Variants in ARK2C observed in about 807,000 individuals in gnomAD.
ARK2C encodes the protein E3 ubiquitin-protein ligase ARK2C.
the ARK2C span, among the ~76,000 whole-genome samples, chr18:46,412,876 GC>G: frequency 4.6e-5 from 7 of 152,130 alleles, no homozygotes; most frequent in Non-Finnish European, 1.0e-4. Flanking sequence ...CCAAAGGGGA[GC>G]CCTTTGGTCA....
the ARK2C span, chr18:46,386,545 T>C: frequency 1.5e-5 from 2 of 134,616 alleles, no homozygotes; most frequent in Non-Finnish European, 3.1e-5. Context: ...TGACCCCCCA[T>C]CAATCCATCC....
the ARK2C span, among the ~76,000 whole-genome samples, chr18:46,427,702 G>A: frequency 2.0e-5 from 3 of 152,252 alleles, no homozygotes; most frequent in African/African-American, 7.2e-5. Flanking sequence ...AGACAAGCAG[G>A]TATTTACTGG....
chr18:46,427,325 C>A, the ARK2C span, among the ~76,000 whole-genome samples: 53 of 152,350 alleles, frequency 3.5e-4, no homozygotes, highest in Admixed American at 1.2e-3. Flanking sequence ...CTGGAGGGCA[C>A]AGGTTGTAGG....
chr18:46,342,342 G>T, the ARK2C span, among the ~76,000 whole-genome samples: 1 of 152,084 alleles, frequency 6.6e-6, no homozygotes, highest in Non-Finnish European at 1.5e-5. Context: ...CTGCTTTCCC[G>T]CCATAGCTGG....
chr18:46,416,887 A>G, the ARK2C span, among the ~76,000 whole-genome samples: 2 of 152,278 alleles, frequency 1.3e-5, no homozygotes, highest in Non-Finnish European at 2.9e-5. Context: ...GCTACCTTCT[A>G]TTGGCCTAAG....
chr18:46,461,519 T>C, the ARK2C span: 45,752 of 151,618 alleles, frequency 0.3, 8,188 homozygotes, highest in East Asian at 0.76. Context: ...GTGGTAGGCG[T>C]CTGTAATCCC....
the ARK2C span, among the ~76,000 whole-genome samples, chr18:46,427,092 T>C: frequency 6.6e-6 from 1 of 152,244 alleles, no homozygotes; most frequent in East Asian, 1.9e-4. Flanking sequence ...GCAAGGTGGA[T>C]GTTTCCACTT....
the ARK2C span, among the ~76,000 whole-genome samples, chr18:46,373,767 C>A: frequency 6.6e-6 from 1 of 152,134 alleles, no homozygotes; most frequent in African/African-American, 2.4e-5. Flanking sequence ...GAATCTTACA[C>A]GTGGGGAAGC....
the ARK2C span, among the ~76,000 whole-genome samples, chr18:46,410,677 C>G: frequency 6.6e-6 from 1 of 152,188 alleles, no homozygotes; most frequent in Admixed American, 6.5e-5. Context: ...TGAAGGGGAG[C>G]CTCCCTGACA....
the ARK2C span, among the ~76,000 whole-genome samples, chr18:46,430,552 C>T: frequency 6.6e-4 from 100 of 152,262 alleles, no homozygotes; most frequent in Non-Finnish European, 1.0e-3. Flanking sequence ...TAATTTTCTC[C>T]CTATCATTTC....
At chr18:46,459,127 C>G in the ARK2C span, 4 of 152,276 alleles carry the variant, frequency 2.6e-5, no homozygotes, top group Non-Finnish European at 5.9e-5. Flanking sequence ...CTCTCTTAGT[C>G]TCAGTCTTTC....
chr18:46,377,788 G>C, the ARK2C span, among the ~76,000 whole-genome samples: 2 of 152,332 alleles, frequency 1.3e-5, no homozygotes, highest in Admixed American at 1.3e-4. Flanking sequence ...AACAAAGGTT[G>C]AAAGCACTCT....
At chr18:46,359,464 C>T in the ARK2C span, among the ~76,000 whole-genome samples, 5 of 152,114 alleles carry the variant, frequency 3.3e-5, no homozygotes, top group East Asian at 9.6e-4. Context: ...AAAGGGTTCT[C>T]AGCAGAGGGA....
chr18:46,424,657 C>T, the ARK2C span, among the ~76,000 whole-genome samples: 2 of 152,170 alleles, frequency 1.3e-5, no homozygotes, highest in Admixed American at 6.5e-5. Flanking sequence ...TGGTCAGAAG[C>T]TATTTGAGGC....
chr18:46,413,548 T>C, the ARK2C span, among the ~76,000 whole-genome samples: 1 of 152,062 alleles, frequency 6.6e-6, no homozygotes, highest in African/African-American at 2.4e-5. Context: ...TTTACTTTCT[T>C]TGAGTCTCAG....
At chr18:46,425,189 C>T in the ARK2C span, among the ~76,000 whole-genome samples, 771 of 152,294 alleles carry the variant, frequency 5.1e-3, 4 homozygotes, top group African/African-American at 0.018. Context: ...TGAGAGCTGG[C>T]CTGAGGAGGC....
the ARK2C span, among the ~76,000 whole-genome samples, chr18:46,391,551 G>T: frequency 6.6e-6 from 1 of 151,992 alleles, no homozygotes; most frequent in Non-Finnish European, 1.5e-5. Context: ...AGCTCCTGAG[G>T]CCTCTATGGG....
At chr18:46,400,251 C>T in the ARK2C span, among the ~76,000 whole-genome samples, 1 of 152,216 alleles carries the variant, frequency 6.6e-6, no homozygotes, top group Non-Finnish European at 1.5e-5. Flanking sequence ...TCACCCTGGC[C>T]ATGTGGGTAG....
the ARK2C span, among the ~76,000 whole-genome samples, chr18:46,360,914 G>T: frequency 6.6e-6 from 1 of 152,236 alleles, no homozygotes; most frequent in Non-Finnish European, 1.5e-5. Flanking sequence ...CCAGGCGTCA[G>T]CCCCACAGCA....
Sources: allele counts gnomAD v4.1 joint callset (sites outside exome capture counted in the v4.1 genomes callset), GRCh38; gene constraint gnomAD v4.1.1; transcripts MANE v1.5; gene names NCBI Gene and HGNC (gene_info 2026-07-23, HGNC 2026-07-21).